The following CEP135 variants were observed in gnomAD, a reference collection of about 807,000 sequenced individuals.
CEP135 encodes the protein centrosomal protein 135, also known as centrosomal protein of 135 kDa.
CEP135 carries 142 observed loss-of-function variants against 157.3 expected under a neutral mutation model. The observed-to-expected ratio is 0.90, with a 90% CI of 0.79 to 1.04. CEP135 has a LOEUF of 1.04. Ranked by LOEUF, CEP135 falls within the 50% of genes least tolerant of loss-of-function variation. The pLI is 0.00. For synonymous variants in CEP135, 396 were observed against 439.8 expected (o/e 0.90, Z 1.25); for missense variants, 1,317 against 1,309.2 (o/e 1.01, Z -0.09).
intron 1 of CEP135, among the ~76,000 whole-genome samples, chr4:55,951,162 G>A (rs1342044901): frequency 1.3e-5 from 2 of 152,122 alleles, no homozygotes; most frequent in Non-Finnish European, 2.9e-5. Flanking sequence ...GCTGTTGATG[G>A]GGGTTTAGGT....
intron 6 of CEP135, 38 bp from the exon 7 acceptor site, chr4:55,964,236 C>A (rs889875571): frequency 6.4e-7 from 1 of 1,571,312 alleles, no homozygotes; most frequent in South Asian, 1.2e-5. Context: ...TGGTTGAAAA[C>A]CAGATTTTTT....
intron 25 of CEP135, among the ~76,000 whole-genome samples, chr4:56,026,879 T>C (rs186690091): frequency 6.6e-6 from 1 of 152,342 alleles, no homozygotes; most frequent in East Asian, 1.9e-4. Flanking sequence ...GAAATAGTTA[T>C]GCCAGTCTTG....
chr4:55,956,379 GA>G (rs1190777922), intron 4 of CEP135, among the ~76,000 whole-genome samples: 5 of 152,134 alleles, frequency 3.3e-5, no homozygotes, highest in Non-Finnish European at 7.4e-5. Context: ...CTAGCCATAA[GA>G]AAATTTAGTC....
At chr4:56,007,930 T>C (rs1730414777) in intron 17 of CEP135, among the ~76,000 whole-genome samples, 1 of 152,194 alleles carries the variant, frequency 6.6e-6, no homozygotes, top group South Asian at 2.1e-4. Context: ...AGTCAGCTTG[T>C]GACTACACCA....
At chr4:56,021,883 G>T (rs1461342618) in intron 24 of CEP135, among the ~76,000 whole-genome samples, 1 of 152,028 alleles carries the variant, frequency 6.6e-6, no homozygotes. Flanking sequence ...TTGAAAATTA[G>T]CTGGGGCATG....
chr4:56,023,776 T>TAGTATATATA (rs1731055462), intron 24 of CEP135, among the ~76,000 whole-genome samples: 1 of 142,066 alleles, frequency 7.0e-6, no homozygotes, highest in African/African-American at 2.6e-5. Context: ...TATAGTATAT[T>TAGTATATATA]GTATTTTATA....
At chr4:56,024,417 G>A (rs1333377841) in intron 24 of CEP135, 84 bp from the exon 25 acceptor site, 12 of 857,268 alleles carry the variant, frequency 1.4e-5, no homozygotes, top group Middle Eastern at 3.1e-4. Flanking sequence ...TTACAAATTA[G>A]CTAATAACTC....
chr4:56,010,819 G>A (rs1487451000), intron 19 of CEP135, among the ~76,000 whole-genome samples: 1 of 152,140 alleles, frequency 6.6e-6, no homozygotes, highest in Non-Finnish European at 1.5e-5. Flanking sequence ...TCAGCATAAA[G>A]CATATTGATG....
chr4:55,999,146 T>C (rs563894551), intron 15 of CEP135, among the ~76,000 whole-genome samples, 156 bp from the exon 16 acceptor site: 1 of 152,294 alleles, frequency 6.6e-6, no homozygotes, highest in East Asian at 1.9e-4. Flanking sequence ...GAAATAATAA[T>C]ATATAATGCC....
At chr4:56,011,262 G>T (rs1054348726) in intron 19 of CEP135, 150 bp from the exon 20 acceptor site, 4 of 578,404 alleles carry the variant, frequency 6.9e-6, no homozygotes, top group African/African-American at 1.9e-5. Context: ...AGATCAGCCA[G>T]GAAAAATATG....
intron 17 of CEP135, among the ~76,000 whole-genome samples, chr4:56,000,563 C>T (rs991645730): frequency 4.6e-5 from 7 of 152,168 alleles, no homozygotes; most frequent in African/African-American, 1.7e-4. Context: ...CTTTTTAGCA[C>T]CCACGTATGG....
intron 17 of CEP135, among the ~76,000 whole-genome samples, chr4:56,007,526 G>A (rs1730397649): frequency 6.6e-6 from 1 of 152,198 alleles, no homozygotes; most frequent in East Asian, 1.9e-4. Context: ...TTCCAGGGAT[G>A]AGGAGGTAGT....
chr4:56,020,346 G>C (rs2109746699), intron 23 of CEP135, among the ~76,000 whole-genome samples: 1 of 152,282 alleles, frequency 6.6e-6, no homozygotes, highest in African/African-American at 2.4e-5. Flanking sequence ...ATGAGCTTTT[G>C]AAAGGTATTA....
At chr4:56,020,617 C>T (rs879074949) in intron 23 of CEP135, 59 bp from the exon 24 acceptor site, 4 of 1,371,152 alleles carry the variant, frequency 2.9e-6, no homozygotes, top group South Asian at 2.5e-5. Context: ...AAAAAACCCA[C>T]AGCACCTGAC....
intron 10 of CEP135, among the ~76,000 whole-genome samples, chr4:55,972,184 G>A (rs1729049819): frequency 6.6e-6 from 1 of 151,934 alleles, no homozygotes; most frequent in South Asian, 2.1e-4. Context: ...TCATTAATTT[G>A]ACCGATGTTT....
intron 14 of CEP135, among the ~76,000 whole-genome samples, chr4:55,988,914 C>T (rs1729693739): frequency 7.0e-6 from 1 of 142,242 alleles, no homozygotes; most frequent in South Asian, 2.3e-4. Context: ...TGAGCCGAGC[C>T]GAGATCACGC....
In CEP135 at chr4:55,965,341, T is replaced by C. The variant is rs1314373183; in HGVS notation, c.829-303T>C. ...CATGTGGTTGCTAGAGGCTACTATA[T>C]TGAACAACACAGTCTATTATCATCT... On this transcript the variant is annotated intron_variant, in intron 7 of 25. Transcript: ENST00000257287. The C allele has an allele frequency of 2.2e-5, 5 of 225,230 alleles. No homozygotes were observed. The East Asian group carries it at 5.8e-4, about 26-fold the overall frequency. 14.0% of individuals were successfully genotyped at this position (225,230 alleles called of 1,614,324 possible).
chr4:56,029,923 T>C (rs1047464208), intron 25 of CEP135, among the ~76,000 whole-genome samples: 1 of 152,254 alleles, frequency 6.6e-6, no homozygotes, highest in Non-Finnish European at 1.5e-5. Context: ...TTCACTGCTA[T>C]AGACTTTATA....
At position 55,953,101 on chromosome 4, in the gene CEP135, AC is replaced by A. The variant is rs750793576; in HGVS notation, c.131del (p.Thr44MetfsTer12). 1 of 1,586,380 alleles carries A rather than the reference AC, an allele frequency of 6.3e-7. No homozygotes were observed. The highest frequency in any genetic ancestry group is 8.5e-7 in the Non-Finnish European group (1 of 1,172,080). Reference protein sequence around the residue: ...EKLFSDLVHTTESLRQSKLSA... With the variant: ...EKLFSDLVHTXESLRQSKLSA... Reference sequence around the variant, plus strand: ...TTCTTTTAGCGACTTAGTTCATACAACTGAGAGCCTTCGGCAATCAAAATTA... The same window carrying A: ...TTCTTTTAGCGACTTAGTTCATACAATGAGAGCCTTCGGCAATCAAAATTA... On this transcript the variant is annotated frameshift_variant, in exon 3 of 26. Transcript: ENST00000257287. LOFTEE classifies it high-confidence loss of function.
Sources: gnomAD v4.1 joint callset for allele counts (sites outside exome capture counted in the v4.1 genomes callset) on GRCh38, gnomAD v4.1.1 for gene constraint, MANE v1.5 for transcripts, NCBI Gene and HGNC (gene_info 2026-07-23, HGNC 2026-07-21) for gene names.